ASAP1: variants seen among roughly 807,000 people sequenced by gnomAD.
ASAP1 encodes ArfGAP with SH3 domain, ankyrin repeat and PH domain 1.
In ASAP1, 43 loss-of-function variants were observed where a neutral mutation model predicts 145.2. The observed-to-expected ratio is 0.30, with a 90% CI of 0.23 to 0.38. The LOEUF is 0.38. Among genes scored for constraint, ASAP1 ranks in the 10% least tolerant of loss-of-function variants. ASAP1 has a pLI of 1.00. For synonymous variants in ASAP1, 546 were observed against 515.5 expected, an observed-to-expected ratio of 1.06 and a Z score of -0.80; for missense variants, 1,018 against 1,355.3, an observed-to-expected ratio of 0.75 and a Z score of 3.91.
intron 27 of ASAP1, among the ~76,000 whole-genome samples, chr8:130,067,902 T>C (rs2097433803): frequency 6.6e-6 from 1 of 152,186 alleles, no homozygotes. Flanking sequence ...GACATAAAAA[T>C]CAGTCTGCTG....
intron 4 of ASAP1, among the ~76,000 whole-genome samples, chr8:130,235,165 TTC>T (rs1292733228): frequency 6.6e-6 from 1 of 152,198 alleles, no homozygotes; most frequent in Non-Finnish European, 1.5e-5. Context: ...CTACTTGAGT[TTC>T]TCTCTTTTTC....
intron 3 of ASAP1, among the ~76,000 whole-genome samples, chr8:130,270,493 C>T (rs1419527433): frequency 6.6e-6 from 1 of 152,180 alleles, no homozygotes; most frequent in East Asian, 1.9e-4. Context: ...AATTGGATAA[C>T]CAGTGTAGAG....
At chr8:130,075,639 T>C (rs962558063) in intron 27 of ASAP1, among the ~76,000 whole-genome samples, 6 of 152,098 alleles carry the variant, frequency 3.9e-5, no homozygotes, top group African/African-American at 1.2e-4. Flanking sequence ...AAAGGTAAGG[T>C]ATGGTAACAA....
At chr8:130,070,774 A>G (rs537339064) in intron 27 of ASAP1, among the ~76,000 whole-genome samples, 29 of 144,840 alleles carry the variant, frequency 2.0e-4, no homozygotes, top group Non-Finnish European at 3.6e-4. Flanking sequence ...ATAGAGGATC[A>G]TGCTACCTGA....
At chr8:130,139,686 G>A (rs1284842449) in intron 13 of ASAP1, among the ~76,000 whole-genome samples, 3 of 151,438 alleles carry the variant, frequency 2.0e-5, no homozygotes, top group Non-Finnish European at 2.9e-5. Context: ...CCAAAGTCAC[G>A]CCATTGCACT....
intron 3 of ASAP1, among the ~76,000 whole-genome samples, chr8:130,338,267 A>T (rs771100566): frequency 1.1e-4 from 17 of 152,242 alleles, no homozygotes; most frequent in Admixed American, 2.6e-4. Context: ...CCAAAACTGC[A>T]CAGTTAAGTG....
intron 4 of ASAP1, among the ~76,000 whole-genome samples, chr8:130,229,562 G>GT (rs1210036554): frequency 4.6e-5 from 7 of 152,290 alleles, no homozygotes; most frequent in Non-Finnish European, 8.8e-5. Context: ...GAATCTTTAT[G>GT]TAAACAGTGA....
intron 3 of ASAP1, among the ~76,000 whole-genome samples, chr8:130,279,793 C>T (rs773881320): frequency 2.6e-5 from 4 of 152,116 alleles, no homozygotes; most frequent in Admixed American, 6.6e-5. Flanking sequence ...GAACATAGAG[C>T]GTTAAGCAGG....
At chr8:130,134,840 T>A (rs191483449) in intron 14 of ASAP1, among the ~76,000 whole-genome samples, 181 of 152,328 alleles carry the variant, frequency 1.2e-3, no homozygotes, top group African/African-American at 4.1e-3. Flanking sequence ...TCTTTTTTTT[T>A]AAAGAAATCT....
intron 2 of ASAP1, chr8:130,361,912 T>C (rs1392165521): frequency 2.9e-6 from 2 of 685,536 alleles, no homozygotes; most frequent in African/African-American, 3.5e-5. Context: ...TGGCTTTATA[T>C]AAAGCAAGCA....
At chr8:130,345,338 C>G (rs1217876893) in intron 3 of ASAP1, among the ~76,000 whole-genome samples, 4 of 152,098 alleles carry the variant, frequency 2.6e-5, no homozygotes, top group Non-Finnish European at 5.9e-5. Flanking sequence ...ACTGGCTGCC[C>G]CAGATGCATG....
chr8:130,192,133 G>A (rs1339207434), intron 5 of ASAP1, among the ~76,000 whole-genome samples: 1 of 152,090 alleles, frequency 6.6e-6, no homozygotes, highest in South Asian at 2.1e-4. Context: ...CACACCAACA[G>A]ACTGGCTGGC....
chr8:130,151,971 T>C (rs1276712452), intron 13 of ASAP1, among the ~76,000 whole-genome samples: 1 of 152,206 alleles, frequency 6.6e-6, no homozygotes, highest in East Asian at 1.9e-4. Flanking sequence ...TTATACCACA[T>C]GGGTTGTTGG....
intron 17 of ASAP1, among the ~76,000 whole-genome samples, chr8:130,124,378 T>A (rs954300699): frequency 6.6e-6 from 1 of 152,226 alleles, no homozygotes; most frequent in African/African-American, 2.4e-5. Context: ...AAATCAATCA[T>A]GTCTACAAAT....
chr8:130,370,277 G>T (rs933336284), intron 2 of ASAP1, among the ~76,000 whole-genome samples: 9 of 152,136 alleles, frequency 5.9e-5, no homozygotes, highest in Non-Finnish European at 1.2e-4. Context: ...ATTCCAGCCT[G>T]GGGGGTGACA....
At chr8:130,363,932 G>A (rs954949806) in intron 2 of ASAP1, among the ~76,000 whole-genome samples, 1 of 152,146 alleles carries the variant, frequency 6.6e-6, no homozygotes. Flanking sequence ...CAGGATGGAG[G>A]GAGGGGGCTG....
At chr8:130,082,714 A>ATTTTTTTTTTTTTTTTT (rs10678353) in intron 25 of ASAP1, 1 of 80,824 alleles carries the variant, frequency 1.2e-5, no homozygotes, top group African/African-American at 4.6e-5. Context: ...CTCATTACTA[A>ATTTTTTTTTTTTTTTTT]TTTTTTTTTT....
intron 2 of ASAP1, among the ~76,000 whole-genome samples, chr8:130,373,965 TCAG>T (rs1393208493): frequency 1.6e-5 from 2 of 126,682 alleles, no homozygotes; most frequent in African/African-American, 6.0e-5. Flanking sequence ...TCCAATCAAA[TCAG>T]CAAAGATAAT....
rs1206063847 is a variant in ASAP1 at position 130,417,653 on chromosome 8, G to A, written c.-27-15683C>T. Reference sequence around the variant, plus strand: ...AAAAAAAGGAGAGGCAAATGCATGGGCTGACAAAACTGACAAGTCCAGGAA... The same window carrying A: ...AAAAAAAGGAGAGGCAAATGCATGGACTGACAAAACTGACAAGTCCAGGAA... On this transcript the variant is annotated intron_variant, in intron 1 of 29. Coordinates refer to ENST00000518721, the MANE Select transcript of ASAP1 (RefSeq NM_018482.4). Among the ~76,000 whole-genome samples, 3 of 152,224 alleles carry A rather than the reference G, an allele frequency of 2.0e-5. No homozygotes were observed. In the East Asian group the frequency reaches 5.8e-4, roughly 29 times the overall value.
Sources: gnomAD v4.1 joint callset for allele counts (sites outside exome capture counted in the v4.1 genomes callset) on GRCh38, gnomAD v4.1.1 for gene constraint, MANE v1.5 for transcripts, NCBI Gene and HGNC (gene_info 2026-07-23, HGNC 2026-07-21) for gene names.